The following CCDC40 variants were observed in gnomAD, a reference collection of about 807,000 sequenced individuals.
CCDC40 encodes the protein coiled-coil domain 40 molecular ruler complex subunit.
Under a neutral mutation model 124.5 loss-of-function variants are expected in CCDC40, and 104 were observed. The ratio of observed to expected loss-of-function variants is 0.84; its 90% CI spans 0.71 to 0.98. The LOEUF is 0.98. Among genes scored for constraint, CCDC40 ranks in the 50% least tolerant of loss-of-function variants. The pLI, the probability that CCDC40 is intolerant of heterozygous loss-of-function variation, is 0.00. For synonymous variants in CCDC40, 580 were observed against 602.9 expected (o/e 0.96, Z 0.56); for missense variants, 1,463 against 1,503.9 (o/e 0.97, Z 0.45).
At chr17:80,088,482 T>A (rs2038637093) in intron 16 of CCDC40, 1 of 330,026 alleles carries the variant, frequency 3.0e-6, no homozygotes, top group Non-Finnish European at 5.9e-6. Context: ...GAACTCCTGA[T>A]CTCAGGTGAT....
chr17:80,056,336 C>T (rs950202438), intron 7 of CCDC40, among the ~76,000 whole-genome samples: 1 of 152,012 alleles, frequency 6.6e-6, no homozygotes, highest in Non-Finnish European at 1.5e-5. Flanking sequence ...AAAAGCACCT[C>T]GGGCCAGGTG....
chr17:80,095,304 C>T lies in CCDC40; in HGVS notation c.2874C>T (p.Ile958=), dbSNP rs766933359. The change falls in exon 18 of 20, where the codon ATC becomes ATT. Residue 958 remains isoleucine (I), a synonymous_variant. Transcript: ENST00000397545. ...GQLLKQQEKM[I]RAMELAVARR... ...TGCTGAAGCAGCAGGAGAAGATGAT[C>T]CGTGCCATGGAGTTGGCGGTTGCCC... 3 of 1,613,928 alleles carry T rather than the reference C, an allele frequency of 1.9e-6. No individual in the cohort carries two copies. The Admixed American group carries it at 5.0e-5, about 27-fold the overall frequency.
chr17:80,093,256 G>A (rs1390853827), intron 17 of CCDC40, among the ~76,000 whole-genome samples: 5 of 152,014 alleles, frequency 3.3e-5, no homozygotes, highest in African/African-American at 4.8e-5. Context: ...ATCTCAGCTC[G>A]CTGCAACTTC....
rs771631875 is a variant in CCDC40, at chr17:80,050,172, G to A, written c.1048G>A (p.Asp350Asn). The A allele has an allele frequency of 5.6e-6, 9 of 1,613,310 alleles. No individual in the cohort carries two copies. The highest frequency in any genetic ancestry group is 4.4e-5 in the South Asian group (4 of 91,032). Residue 350 changes from aspartate (D) to asparagine (N), a missense_variant, in exon 7 of 20, where the codon GAC becomes AAC. Coordinates refer to ENST00000397545, the MANE Select transcript of CCDC40 (RefSeq NM_017950.4). ...HLQKLLEKSH[D>N]RHAMASSERR... ...GCAGAAGCTGCTGGAGAAGAGTCAC[G>A]ACCGCCACGCAATGGCCTCGAGCGA...
intron 16 of CCDC40, 89 bp from the exon 17 acceptor site, chr17:80,089,675 G>A (rs1298467462): frequency 6.6e-7 from 1 of 1,518,018 alleles, no homozygotes; most frequent in Non-Finnish European, 9.1e-7. Context: ...ATTGCAGCTT[G>A]AGAGCCTTGT....
chr17:80,044,632 A>G (rs1432932582), intron 3 of CCDC40, among the ~76,000 whole-genome samples: 1 of 151,472 alleles, frequency 6.6e-6, no homozygotes, highest in Non-Finnish European at 1.5e-5. Flanking sequence ...TGCATGAGCC[A>G]AGATCATGCC....
intron 17 of CCDC40, 94 bp downstream of exon 17, chr17:80,089,978 C>A (rs1452053935): frequency 1.3e-6 from 2 of 1,556,662 alleles, no homozygotes; most frequent in African/African-American, 1.4e-5. Context: ...TCTCCCGGGG[C>A]TCCTGTGGGA....
Position 80,047,300 on chromosome 17 carries a change from C to T in CCDC40, c.574C>T (p.Gln192Ter), listed in dbSNP as rs934361301. ...ATAGACAGGATCCACAGAGGAGCCC[C>T]AGGGGCAGGTGCTCCCAATGGGCGT... ...GRLTGSTEEP[Q>*]GQVLPMGVQH... The change falls in exon 4 of 20, where the codon CAG (glutamine) becomes TAG (stop). Residue 192 changes from glutamine to a stop codon, truncating the protein, a stop_gained. Transcript: ENST00000397545. LOFTEE classifies it high-confidence loss of function. 2 of 1,614,016 alleles carry T rather than the reference C, an allele frequency of 1.2e-6. No homozygotes were observed. The highest frequency in any genetic ancestry group is 1.7e-6 in the Non-Finnish European group (2 of 1,179,936).
At chr17:80,092,555 C>T (rs2038741657) in intron 17 of CCDC40, among the ~76,000 whole-genome samples, 1 of 152,182 alleles carries the variant, frequency 6.6e-6, no homozygotes, top group Non-Finnish European at 1.5e-5. Context: ...GCCTGACTTT[C>T]CTTGCTTAGC....
chr17:80,073,851 G>A (rs547725820), intron 10 of CCDC40, among the ~76,000 whole-genome samples: 96 of 151,570 alleles, frequency 6.3e-4, no homozygotes, highest in Middle Eastern at 3.4e-3. Flanking sequence ...GCCTGCCACC[G>A]TGCCCGGCTA....
intron 3 of CCDC40, among the ~76,000 whole-genome samples, chr17:80,046,058 C>A (rs1308002723): frequency 6.6e-6 from 1 of 152,116 alleles, no homozygotes; most frequent in Non-Finnish European, 1.5e-5. Context: ...ATTGCAATGC[C>A]CTATCCCCAA....
chr17:80,039,777 T>C (rs751941728), intron 2 of CCDC40, 35 bp from the exon 3 acceptor site: 7 of 1,610,222 alleles, frequency 4.3e-6, no homozygotes, highest in Non-Finnish European at 5.9e-6. Flanking sequence ...CTTTATACTT[T>C]GTTTCCTGAT....
At chr17:80,054,293 T>C (rs2143632663) in intron 7 of CCDC40, among the ~76,000 whole-genome samples, 1 of 152,226 alleles carries the variant, frequency 6.6e-6, no homozygotes, top group African/African-American at 2.4e-5. Context: ...TGTTTTTAAT[T>C]GCAAGAAAGC....
chr17:80,071,057 A>G (rs910113198), intron 10 of CCDC40, among the ~76,000 whole-genome samples: 1 of 152,224 alleles, frequency 6.6e-6, no homozygotes, highest in Non-Finnish European at 1.5e-5. Flanking sequence ...TCCCAAAGCT[A>G]GGTGAATAAC....
At chr17:80,047,162 A>G (rs2037444537) in intron 3 of CCDC40, 117 bp from the exon 4 acceptor site, 1 of 1,192,484 alleles carries the variant, frequency 8.4e-7, no homozygotes, top group African/African-American at 1.5e-5. Flanking sequence ...TTTAAAAAAC[A>G]CACAGGTGAC....
At chr17:80,090,095 C>T in intron 17 of CCDC40, 1 of 1,536,548 alleles carries the variant, frequency 6.5e-7, no homozygotes, top group Non-Finnish European at 8.7e-7. Context: ...AGCGCACGTC[C>T]CCCTTGACCC....
At chr17:80,054,042 G>A (rs946560299) in intron 7 of CCDC40, among the ~76,000 whole-genome samples, 2 of 152,088 alleles carry the variant, frequency 1.3e-5, no homozygotes, top group African/African-American at 4.8e-5. Context: ...CATTCTATTC[G>A]AGAAGCTAAA....
chr17:80,055,954 C>A (rs1026791243), intron 7 of CCDC40, among the ~76,000 whole-genome samples: 1 of 133,220 alleles, frequency 7.5e-6, no homozygotes, highest in African/African-American at 2.8e-5. Context: ...TGGGACTACA[C>A]ACACACCACC....
At chr17:80,048,008 C>T (rs904647520) in intron 4 of CCDC40, among the ~76,000 whole-genome samples, 14 of 152,218 alleles carry the variant, frequency 9.2e-5, no homozygotes, top group African/African-American at 3.4e-4. Context: ...CGGTGGCTCA[C>T]GCCTGGAATC....
Sources: allele counts gnomAD v4.1 joint callset (sites outside exome capture counted in the v4.1 genomes callset), GRCh38; gene constraint gnomAD v4.1.1; transcripts MANE v1.5; gene names NCBI Gene and HGNC (gene_info 2026-07-23, HGNC 2026-07-21).